Variants in UBXN6 observed in about 807,000 individuals in gnomAD.
UBXN6 encodes the protein UBX domain protein 6, also known as UBX domain-containing protein 6.
Under a neutral mutation model 51.4 loss-of-function variants are expected in UBXN6, and 44 were observed. The observed-to-expected ratio is 0.86, with a 90% confidence interval of 0.67 to 1.10. The LOEUF (loss-of-function observed/expected upper bound fraction) is 1.10. Ranked by LOEUF, UBXN6 falls within the 50% of genes least tolerant of loss-of-function variation. The pLI is 0.00. For missense variants in UBXN6, 672 were observed against 596.1 expected, an observed-to-expected ratio of 1.13 and a Z score of -1.32; for synonymous variants, 316 against 263.2, an observed-to-expected ratio of 1.20 and a Z score of -1.94.
chr19:4,449,095 C>T (rs538915568), intron 4 of UBXN6: 1 of 153,920 alleles, frequency 6.5e-6, no homozygotes, highest in Non-Finnish European at 1.4e-5. Flanking sequence ...CGAACAGCGT[C>T]CCAGCATGGA....
rs1282288923 is a variant in UBXN6, at chr19:4,445,437, G to T, written c.*61C>A. On this transcript the variant is annotated 3_prime_UTR_variant, in exon 11 of 11. Coordinates refer to ENST00000301281, the MANE Select transcript of UBXN6 (RefSeq NM_025241.3). ...TGGCTTGGAGGCCCTGGGGTGGCGG[G>T]GAGAGGAACAGGGAGAGCATGAGAC... is the stretch of plus-strand genomic sequence containing the variant. 2 of 1,603,748 alleles carry T rather than the reference G, an allele frequency of 1.2e-6. No individual in the cohort carries two copies. The highest frequency in any genetic ancestry group is 2.7e-5 in the African/African-American group (2 of 74,722).
chr19:4,450,244 C>T (rs572690080), intron 4 of UBXN6: 1 of 145,782 alleles, frequency 6.9e-6, no homozygotes, highest in East Asian at 2.0e-4. Flanking sequence ...AAAAAAAGCA[C>T]TGGAGAGGCC....
In UBXN6 at chr19:4,453,951, G is replaced by T. The variant is rs770164345; in HGVS notation, c.226C>A (p.Gln76Lys). The T allele has an allele frequency of 7.4e-6, 12 of 1,610,772 alleles. No individual in the cohort carries two copies. The South Asian group carries it at 1.2e-4, about 16-fold the overall frequency. The change falls in exon 2 of 11, where the codon CAG (glutamine) becomes AAG (lysine). Residue 76 changes from glutamine (Q) to lysine (K), a missense_variant. Gln to Lys is a moderately conservative substitution (Grantham distance 53). Coordinates refer to ENST00000301281, the MANE Select transcript of UBXN6 (RefSeq NM_025241.3). ...KQSRAWGPTS[Q>K]DTIRNQVRKE... ...TCACCCTGGTTTCGGATGGTGTCCT[G>T]CGATGTGGGGCCCCAGGCCCGGGAC... is the stretch of plus-strand genomic sequence containing the variant.
At position 4,446,413 on chromosome 19, in the gene UBXN6, C is replaced by T. The variant is rs1395328188; in HGVS notation, c.921G>A (p.Arg307=). Residue 307 remains arginine (R), a splice_region_variant and synonymous_variant, in exon 9 of 11, where the codon AGG becomes AGA. Transcript: ENST00000301281. Reference sequence around the variant, plus strand: ...CGCTCAGCCGCTCCACCGCCTCGGACCTGCACACGCGGGCCAGGTCACGAG... The same window carrying T: ...CGCTCAGCCGCTCCACCGCCTCGGATCTGCACACGCGGGCCAGGTCACGAG... ...AEEIKREQRL[R]SEAVERLSVL... is the part of the protein sequence containing the mutation. The T allele has an allele frequency of 6.3e-7, 1 of 1,578,606 alleles. No individual in the cohort carries two copies. Among genetic ancestry groups the T allele is most frequent in the South Asian group, 1.1e-5 (1 of 88,582 alleles).
At chr19:4,448,106 C>A in intron 5 of UBXN6, 1 of 595,282 alleles carries the variant, frequency 1.7e-6, no homozygotes, top group Non-Finnish European at 3.0e-6. Flanking sequence ...ATTCCTTCAA[C>A]ACCTTCATTT....
chr19:4,453,333 C>A, intron 3 of UBXN6, 125 bp downstream of exon 3: 1 of 1,114,728 alleles, frequency 9.0e-7, no homozygotes, highest in African/African-American at 1.6e-5. Context: ...CCTGTGTCCA[C>A]CTTGCAAGGC....
chr19:4,445,191 A>G lies in UBXN6; in HGVS notation c.*307T>C. ...ATGCTGCAGGCCTGCTCTCCTGCCCAGGGAGATGCCACGTGTGTCTGTCCG... is the reference window on the plus strand; with the variant it reads ...ATGCTGCAGGCCTGCTCTCCTGCCCGGGGAGATGCCACGTGTGTCTGTCCG... On this transcript the variant is annotated 3_prime_UTR_variant, in exon 11 of 11. Transcript: ENST00000301281. 2.7e-6 allele frequency: 1 copy of G among 364,906 alleles called. No homozygotes were observed. The highest frequency in any genetic ancestry group is 4.2e-5 in the Admixed American group (1 of 23,916). 22.6% of individuals were successfully genotyped at this position (364,906 alleles called of 1,614,324 possible). A position where few individuals can be genotyped will look rare whatever the true frequency, so the allele number is the denominator to read the frequency against.
chr19:4,447,624 A>G lies in UBXN6; in HGVS notation c.541T>C (p.Tyr181His). ...VKLGVDTIAK[Y>H]LDNIHLHPEE... is the part of the protein sequence containing the mutation. ...GGGTGCAGGTGGATGTTGTCCAGGT[A>G]CCTGGGGTAGGTGGAGAAGGTGAGT... The change falls in exon 6 of 11, where the codon TAC becomes CAC. Residue 181 changes from tyrosine to histidine, a missense_variant and splice_region_variant. By Grantham distance (83) the Tyr-to-His change is moderately conservative (BLOSUM62 2). Coordinates refer to ENST00000301281, the MANE Select transcript of UBXN6 (RefSeq NM_025241.3). 6.2e-7 allele frequency: 1 copy of G among 1,613,850 alleles called. No homozygotes were observed. Among genetic ancestry groups the G allele is most frequent in the Non-Finnish European group, 8.5e-7 (1 of 1,179,840 alleles).
chr19:4,447,753 G>T, intron 5 of UBXN6, 128 bp from the exon 6 acceptor site: 1 of 903,508 alleles, frequency 1.1e-6, no homozygotes, highest in Non-Finnish European at 1.8e-6. Context: ...AAGCGGCCCA[G>T]TGACGCGAGG....
At chr19:4,447,994 C>A in intron 5 of UBXN6, 1 of 511,266 alleles carries the variant, frequency 2.0e-6, no homozygotes, top group Non-Finnish European at 3.6e-6. Context: ...TGGCGGGCAG[C>A]GTGGACCTCC....
intron 7 of UBXN6, 32 bp downstream of exon 7, chr19:4,446,804 A>T: frequency 5.0e-6 from 8 of 1,613,808 alleles, no homozygotes; most frequent in Non-Finnish European, 6.8e-6. Context: ...CCTCGTCCCC[A>T]TTCCCTACTC....
rs144934048 is a variant in UBXN6, at chr19:4,446,631, C to T, written c.789G>A (p.Ala263=). The change falls in exon 8 of 11, where the codon GCG becomes GCA. Residue 263 remains alanine (A), a synonymous_variant. Transcript: ENST00000301281. ...LERHKEQLLA[A]EPVRAKLDRQ... ...TGTCCAGCTTGGCGCGCACGGGCTC[C>T]GCAGCCAGCAGCTGTTCCTTGTGCC... is the stretch of plus-strand genomic sequence containing the variant. 12 of 1,612,516 alleles carry T rather than the reference C, an allele frequency of 7.4e-6. No homozygotes were observed. The highest frequency in any genetic ancestry group is 6.7e-5 in the African/African-American group (5 of 75,050).
In UBXN6 at chr19:4,452,505, A is replaced by G. The variant is rs1165315377; in HGVS notation, c.313-13T>C. ...TGGGCTCAGATACCTGGGGCGGTGA[A>G]AGCGTCCAAGTCTGGACCGTGGACA... On this transcript the variant is annotated splice_polypyrimidine_tract_variant and intron_variant, in intron 3 of 10. Transcript: ENST00000301281. The G allele has an allele frequency of 1.4e-5, 23 of 1,607,354 alleles. No homozygotes were observed. The highest frequency in any genetic ancestry group is 1.8e-5 in the Non-Finnish European group (21 of 1,178,428).
intron 4 of UBXN6, among the ~76,000 whole-genome samples, chr19:4,451,253 C>T (rs952335901): frequency 1.3e-5 from 2 of 152,100 alleles, no homozygotes; most frequent in Non-Finnish European, 2.9e-5. Context: ...TAGGGGGTTT[C>T]ACTATGTTGA....
chr19:4,445,230 A>C lies in UBXN6; in HGVS notation c.*268T>G. The C allele has an allele frequency of 2.2e-6, 1 of 448,438 alleles. No homozygotes were observed. Among genetic ancestry groups the C allele is most frequent in the Non-Finnish European group, 4.1e-6 (1 of 246,062 alleles). The allele number at this position is 448,438 out of a possible 1,614,324, so 27.8% of individuals were successfully genotyped here. ...TGTGTCTGTCCGGCAGCTTCATGAC[A>C]CAGTTACCAAGCAGCTAGGGAGGGC... On this transcript the variant is annotated 3_prime_UTR_variant, in exon 11 of 11. Transcript: ENST00000301281.
intron 5 of UBXN6, 172 bp from the exon 6 acceptor site, chr19:4,447,797 C>G: frequency 1.5e-6 from 1 of 653,536 alleles, no homozygotes; most frequent in East Asian, 2.8e-5. Context: ...AGGCACACCT[C>G]GGACACCCCA....
rs1046189202 is a variant in UBXN6 at position 4,445,296 on chromosome 19, T to C, written c.*202A>G. On this transcript the variant is annotated 3_prime_UTR_variant, in exon 11 of 11. Coordinates refer to ENST00000301281, the MANE Select transcript of UBXN6 (RefSeq NM_025241.3). ...TCCCCAGGCCTCTCCCTCGGGGGCT[T>C]GGGCGCATCCCCACAGCCCCCAAGG... is the stretch of plus-strand genomic sequence containing the variant. 8.7e-6 allele frequency: 7 copies of C among 808,460 alleles called. No homozygotes were observed. The highest frequency in any genetic ancestry group is 1.3e-5 in the Non-Finnish European group (7 of 519,284). The allele number at this position is 808,460 out of a possible 1,614,324, so 50.1% of individuals were successfully genotyped here.
rs371157853 is a variant in UBXN6 at position 4,452,241 on chromosome 19, T to C, written c.441+123A>G. ...GATTTGGGGTATCAGAGGAGGGGCT[T>C]CACTACTAGCAGTGGCCTCTGGGGA... On this transcript the variant is annotated intron_variant, in intron 4 of 10. Transcript: ENST00000301281. 1.1e-5 allele frequency: 15 copies of C among 1,405,904 alleles called. No homozygotes were observed. In the African/African-American group the frequency reaches 1.6e-4, roughly 15 times the overall value. The allele number at this position is 1,405,904 out of a possible 1,614,324, so 87.1% of individuals were successfully genotyped here.
intron 1 of UBXN6, among the ~76,000 whole-genome samples, 172 bp downstream of exon 1, chr19:4,457,443 C>A (rs1281788330): frequency 7.4e-6 from 1 of 135,484 alleles, no homozygotes; most frequent in Admixed American, 7.4e-5. Context: ...CCCTGACGCC[C>A]ACCCTCGGCC....
Sources: gnomAD v4.1 joint callset for allele counts (sites outside exome capture counted in the v4.1 genomes callset) on GRCh38, gnomAD v4.1.1 for gene constraint, MANE v1.5 for transcripts, NCBI Gene and HGNC (gene_info 2026-07-23, HGNC 2026-07-21) for gene names.